Variants in PLEKHA7 observed in about 807,000 individuals in gnomAD.
The protein encoded by PLEKHA7 is pleckstrin homology domain containing A7.
In PLEKHA7, 104 loss-of-function variants were observed where a neutral mutation model predicts 170.0. The ratio of observed to expected loss-of-function variants is 0.61; its 90% CI spans 0.52 to 0.72. The LOEUF (loss-of-function observed/expected upper bound fraction) is 0.72. PLEKHA7 is among the 30% of genes least tolerant of loss of function. PLEKHA7 has a pLI of 0.00. For synonymous variants in PLEKHA7, 648 were observed against 660.8 expected (o/e 0.98, Z 0.30); for missense variants, 1,615 against 1,671.7 (o/e 0.97, Z 0.59).
chr11:16,950,084 CG>C (rs1169240313), intron 3 of PLEKHA7, among the ~76,000 whole-genome samples: 5 of 42,890 alleles, frequency 1.2e-4, no homozygotes, highest in African/African-American at 2.2e-4. Flanking sequence ...GTGTGTGGGG[CG>C]GGGGGCGGGG....
intron 4 of PLEKHA7, among the ~76,000 whole-genome samples, 157 bp from the exon 5 acceptor site, chr11:16,856,071 C>T (rs1268058868): frequency 1.3e-5 from 2 of 152,108 alleles, no homozygotes; most frequent in African/African-American, 2.4e-5. Context: ...GCCAGAAGGC[C>T]GCAATGTCCA....
intron 8 of PLEKHA7, among the ~76,000 whole-genome samples, chr11:16,845,948 TCAAGTTTACAACTTGCAGAGGTAGTGG>T (rs969727557): frequency 6.6e-6 from 1 of 152,054 alleles, no homozygotes; most frequent in African/African-American, 2.4e-5. Flanking sequence ...GATAAGAGTC[TCAAGTTTACAACTTGCAGAGGTAGTGG>T]CGACCATTTA....
At chr11:16,829,879 T>TAGGTTTTAGCTTTGTCTTTCC (rs1850971337) in intron 9 of PLEKHA7, among the ~76,000 whole-genome samples, 2 of 152,250 alleles carry the variant, frequency 1.3e-5, no homozygotes, top group East Asian at 3.9e-4. Context: ...TTTCACACGA[T>TAGGTTTTAGCTTTGTCTTTCC]AGGTTTTAGC....
intron 3 of PLEKHA7, among the ~76,000 whole-genome samples, chr11:17,008,022 C>T (rs1348687681): frequency 2.0e-5 from 3 of 152,262 alleles, no homozygotes; most frequent in Non-Finnish European, 4.4e-5. Flanking sequence ...TGAGGCTCTG[C>T]AAATTATGTA....
chr11:16,942,806 T>C (rs1203692308), intron 3 of PLEKHA7, among the ~76,000 whole-genome samples: 2 of 152,256 alleles, frequency 1.3e-5, no homozygotes, highest in Non-Finnish European at 2.9e-5. Context: ...ATTTCTCCAC[T>C]TAGGCAACTT....
chr11:16,889,644 G>A (rs2135922848), intron 3 of PLEKHA7, among the ~76,000 whole-genome samples: 1 of 151,950 alleles, frequency 6.6e-6, no homozygotes, highest in East Asian at 1.9e-4. Context: ...AAGCTTCTGA[G>A]AAAATTGGCT....
intron 3 of PLEKHA7, among the ~76,000 whole-genome samples, chr11:16,986,127 T>C (rs1863710561): frequency 1.3e-5 from 2 of 152,106 alleles, no homozygotes; most frequent in South Asian, 4.1e-4. Context: ...CAGAGGGGAA[T>C]GGTGTGCTTT....
intron 3 of PLEKHA7, among the ~76,000 whole-genome samples, chr11:16,970,654 G>A (rs1005499620): frequency 6.6e-6 from 1 of 151,680 alleles, no homozygotes; most frequent in Non-Finnish European, 1.5e-5. Flanking sequence ...GCAACAAATC[G>A]AGACTCCATC....
chr11:16,998,691 C>T (rs1864485134), intron 3 of PLEKHA7, among the ~76,000 whole-genome samples: 1 of 1,962 alleles, frequency 5.1e-4, no homozygotes, highest in African/African-American at 1.1e-3. Flanking sequence ...CACACCAAAG[C>T]TAAAAAAAAT....
chr11:16,982,806 C>CACAT (rs1554990150), intron 3 of PLEKHA7, among the ~76,000 whole-genome samples: 3 of 145,294 alleles, frequency 2.1e-5, no homozygotes, highest in South Asian at 2.3e-4. Flanking sequence ...CACACACACA[C>CACAT]GGAGAAAGAG....
At chr11:16,889,349 T>C (rs1238215615) in intron 3 of PLEKHA7, among the ~76,000 whole-genome samples, 1 of 144,738 alleles carries the variant, frequency 6.9e-6, no homozygotes, top group Non-Finnish European at 1.5e-5. Flanking sequence ...CGCTGACTCC[T>C]TTCTCAGACT....
At chr11:16,865,150 T>A (rs957261954) in intron 4 of PLEKHA7, among the ~76,000 whole-genome samples, 2 of 152,258 alleles carry the variant, frequency 1.3e-5, no homozygotes, top group African/African-American at 4.8e-5. Flanking sequence ...GAGCTTGGCA[T>A]GCCCTTTGTA....
At chr11:16,990,819 T>A (rs1864001053) in intron 3 of PLEKHA7, among the ~76,000 whole-genome samples, 1 of 152,220 alleles carries the variant, frequency 6.6e-6, no homozygotes, top group Non-Finnish European at 1.5e-5. Flanking sequence ...TGAATCCTAT[T>A]GTTCTGGGCA....
At chr11:16,833,367 C>T (rs562151169) in intron 9 of PLEKHA7, among the ~76,000 whole-genome samples, 1 of 152,268 alleles carries the variant, frequency 6.6e-6, no homozygotes. Context: ...ACAAACCAGA[C>T]TAAGAAGAGG....
intron 3 of PLEKHA7, among the ~76,000 whole-genome samples, chr11:16,939,599 CTTAAAG>C (rs1335896128): frequency 2.6e-5 from 4 of 152,114 alleles, no homozygotes; most frequent in Admixed American, 6.5e-5. Context: ...GACAGGAATG[CTTAAAG>C]TTAAAGAAAT....
At chr11:16,807,983 C>A (rs1849106456) in intron 13 of PLEKHA7, among the ~76,000 whole-genome samples, 1 of 152,222 alleles carries the variant, frequency 6.6e-6, no homozygotes, top group South Asian at 2.1e-4. Flanking sequence ...TAGCATGCAT[C>A]AGAATCAGCC....
In PLEKHA7 at chr11:16,819,885, C is replaced by T. The variant is rs1850077407; in HGVS notation, c.1344-2563G>A. Among the ~76,000 whole-genome samples, 3 of 152,074 alleles carry T rather than the reference C, an allele frequency of 2.0e-5. No individual in the cohort carries two copies. In the South Asian group the frequency reaches 6.2e-4, roughly 32 times the overall value. ...TAAGTTCTGGTGACCTACTGCACAG[C>T]ATGGTGACAATGGTTAATAATAATG... On this transcript the variant is annotated intron_variant, in intron 10 of 26. Transcript: ENST00000531066.
At position 16,779,024 on chromosome 11, in the gene PLEKHA7, G is replaced by T; in HGVS notation, c.3794-4C>A. ...CACGGGTCAGTCACTGCCTGGGCTGGCAAAAAGCACAGGAGACAGTGAGAG... is the reference window on the plus strand; with the variant it reads ...CACGGGTCAGTCACTGCCTGGGCTGTCAAAAAGCACAGGAGACAGTGAGAG... On this transcript the variant is annotated splice_polypyrimidine_tract_variant and splice_region_variant and intron_variant, in intron 26 of 26. Coordinates refer to ENST00000531066, the MANE Select transcript of PLEKHA7 (RefSeq NM_001329630.2). 1.4e-6 allele frequency: 1 copy of T among 702,608 alleles called. No homozygotes were observed. The allele number at this position is 702,608 out of a possible 1,614,324, so 43.5% of individuals were successfully genotyped here.
At chr11:16,895,409 A>G (rs1565085337) in intron 3 of PLEKHA7, among the ~76,000 whole-genome samples, 1 of 152,196 alleles carries the variant, frequency 6.6e-6, no homozygotes, top group Non-Finnish European at 1.5e-5. Flanking sequence ...ACCTCTTCAG[A>G]GCACTTCCTC....
Sources: allele counts gnomAD v4.1 joint callset (sites outside exome capture counted in the v4.1 genomes callset), GRCh38; gene constraint gnomAD v4.1.1; transcripts MANE v1.5; gene names NCBI Gene and HGNC (gene_info 2026-07-23, HGNC 2026-07-21).